Variants in SLCO4C1 observed in about 807,000 individuals in gnomAD.
SLCO4C1 encodes organic anion transporter M1.
A neutral mutation model predicts 72.1 loss-of-function variants in SLCO4C1; 58 were observed. The observed-to-expected ratio is 0.80, with a 90% CI of 0.65 to 1.00. SLCO4C1 has a LOEUF of 1.00. SLCO4C1 is among the 50% of genes least tolerant of loss of function. The probability of loss-of-function intolerance (pLI) is 0.00; values close to 1 mark genes in which losing one functional copy is unlikely to be tolerated. For synonymous variants in SLCO4C1, 297 were observed against 312.5 expected, an observed-to-expected ratio of 0.95 and a Z score of 0.52; for missense variants, 898 against 857.9, an observed-to-expected ratio of 1.05 and a Z score of -0.58.
intron 2 of SLCO4C1, among the ~76,000 whole-genome samples, chr5:102,280,090 C>CAAAAAAAAAA (rs36217271): frequency 3.1e-4 from 21 of 68,840 alleles, no homozygotes; most frequent in African/African-American, 4.2e-4. Context: ...TGCAATAAGG[C>CAAAAAAAAAA]AAAAAAAAAA....
intron 10 of SLCO4C1, among the ~76,000 whole-genome samples, chr5:102,241,606 T>C (rs1404617484): frequency 1.3e-5 from 2 of 152,008 alleles, no homozygotes; most frequent in Admixed American, 6.6e-5. Flanking sequence ...AAGCCACAAA[T>C]AAATGGAAAG....
intron 8 of SLCO4C1, among the ~76,000 whole-genome samples, chr5:102,251,613 T>A (rs1382994863): frequency 6.7e-6 from 1 of 149,306 alleles, no homozygotes; most frequent in Non-Finnish European, 1.5e-5. Context: ...AATGGAAGAG[T>A]CAAAGGTGAC....
chr5:102,255,584 T>C (rs1748818891), intron 8 of SLCO4C1, among the ~76,000 whole-genome samples: 1 of 152,190 alleles, frequency 6.6e-6, no homozygotes, highest in Admixed American at 6.5e-5. Context: ...TCTCTGAAAC[T>C]AGCCTTCACA....
At chr5:102,276,612 T>G (rs966661234) in intron 2 of SLCO4C1, among the ~76,000 whole-genome samples, 1 of 152,106 alleles carries the variant, frequency 6.6e-6, no homozygotes, top group African/African-American at 2.4e-5. Flanking sequence ...GTTACTGAAG[T>G]TTTCTTTTAA....
chr5:102,283,797 A>C (rs1338880745), intron 2 of SLCO4C1, among the ~76,000 whole-genome samples: 1 of 152,066 alleles, frequency 6.6e-6, no homozygotes, highest in African/African-American at 2.4e-5. Flanking sequence ...CAGTAAGAGT[A>C]GGTAATGGCA....
At position 102,234,824 on chromosome 5, in the gene SLCO4C1, C is replaced by G. The variant is rs903986161; in HGVS notation, c.*2034G>C. ...CTTTCCTTTTCCTTTTTTCTGGGCT[C>G]CAATAGGAAGCAGCATTTACAACGT... On this transcript the variant is annotated 3_prime_UTR_variant, in exon 13 of 13. Transcript: ENST00000310954. The G allele has an allele frequency of 1.3e-5, 2 of 152,080 alleles. No homozygotes were observed. The highest frequency in any genetic ancestry group is 4.8e-5 in the African/African-American group (2 of 41,414). The allele number at this position is 152,080 out of a possible 1,614,324, so 9.4% of individuals were successfully genotyped here.
chr5:102,271,249 GTCA>G (rs1214580166), intron 2 of SLCO4C1, among the ~76,000 whole-genome samples: 2 of 151,712 alleles, frequency 1.3e-5, no homozygotes, highest in Admixed American at 6.6e-5. Context: ...TATTGTCACT[GTCA>G]TAATATTCTA....
At chr5:102,284,496 G>T (rs1390805584) in intron 2 of SLCO4C1, among the ~76,000 whole-genome samples, 1 of 152,130 alleles carries the variant, frequency 6.6e-6, no homozygotes, top group Non-Finnish European at 1.5e-5. Flanking sequence ...CAAAGTAAGG[G>T]GCGAAAGCAG....
rs78176237 is a variant in SLCO4C1 at position 102,260,327 on chromosome 5, AAAAAT to A, written c.1022-13_1022-9del. Reference sequence around the variant, plus strand: ...CTTGAATTTCTGCTGTACCTAAAAAAAAAATATATATATATATATAATATATATAT... The same window carrying A: ...CTTGAATTTCTGCTGTACCTAAAAAAATATATATATATATAATATATATAT... On this transcript the variant is annotated splice_polypyrimidine_tract_variant and intron_variant, in intron 5 of 12. Coordinates refer to ENST00000310954, the MANE Select transcript of SLCO4C1 (RefSeq NM_180991.5). 464 of 354,522 alleles carry A rather than the reference AAAAAT, an allele frequency of 1.3e-3. 3 individuals are homozygous for A. The highest frequency in any genetic ancestry group is 2.9e-3 in the African/African-American group (41 of 14,304). 22.0% of individuals were successfully genotyped at this position (354,522 alleles called of 1,614,324 possible).
At chr5:102,269,754 T>C (rs1749114087) in intron 3 of SLCO4C1, among the ~76,000 whole-genome samples, 1 of 152,176 alleles carries the variant, frequency 6.6e-6, no homozygotes, top group South Asian at 2.1e-4. Flanking sequence ...CATGTTTCCT[T>C]GCTTTTTCAT....
chr5:102,264,060 T>C (rs1748991398), intron 3 of SLCO4C1, among the ~76,000 whole-genome samples: 1 of 152,066 alleles, frequency 6.6e-6, no homozygotes, highest in African/African-American at 2.4e-5. Context: ...AGGTAGTATA[T>C]CTACCATTTA....
chr5:102,245,032 C>T (rs1748612002), intron 10 of SLCO4C1, among the ~76,000 whole-genome samples: 2 of 152,012 alleles, frequency 1.3e-5, no homozygotes, highest in Admixed American at 1.3e-4. Context: ...TACCCTTATC[C>T]TAAGTAGAAA....
chr5:102,259,240 C>A (rs1241140520), intron 6 of SLCO4C1, among the ~76,000 whole-genome samples: 2 of 151,742 alleles, frequency 1.3e-5, no homozygotes, highest in East Asian at 3.9e-4. Context: ...ATGTTGAATT[C>A]ATAGAGATTG....
In SLCO4C1 at chr5:102,296,211, C is replaced by T; in HGVS notation, c.52G>A (p.Asp18Asn). 6.3e-7 allele frequency: 1 copy of T among 1,598,098 alleles called. No individual in the cohort carries two copies. The highest frequency in any genetic ancestry group is 8.5e-7 in the Non-Finnish European group (1 of 1,171,468). Residue 18 changes from aspartate to asparagine, a missense_variant, in exon 1 of 13, where the codon GAC (aspartate) becomes AAC (asparagine). Transcript: ENST00000310954. ...ENLAFVPSSP[D>N]ILRRLSASPS... ...GACGCAGACAAGCGGCGCAGGATGT[C>T]TGGGCTGGAGGGGACAAAAGCCAAG...
Position 102,270,656 on chromosome 5 carries a change from G to A in SLCO4C1, c.770C>T (p.Ser257Phe). The stretch of plus-strand genomic sequence containing the variant: ...GAGAGAAGACTTGTGTGTGGGCACA[G>A]AATCATCAAGAAAGGCTGTTCCCAG... ...YTLGTAFLDD[S>F]VPTHKSSLYI... The change falls in exon 3 of 13, where the codon TCT becomes TTT. Residue 257 changes from serine (S) to phenylalanine (F), a missense_variant. By Grantham distance (155) the Ser-to-Phe change is radical (BLOSUM62 -2). Transcript: ENST00000310954. The A allele has an allele frequency of 6.2e-7, 1 of 1,612,712 alleles. No homozygotes were observed. Among genetic ancestry groups the A allele is most frequent in the South Asian group, 1.1e-5 (1 of 90,898 alleles).
intron 3 of SLCO4C1, among the ~76,000 whole-genome samples, chr5:102,265,712 G>T (rs977585068): frequency 6.6e-6 from 1 of 152,082 alleles, no homozygotes; most frequent in Non-Finnish European, 1.5e-5. Flanking sequence ...GATTACTAAA[G>T]CTTTGTTGTA....
intron 3 of SLCO4C1, among the ~76,000 whole-genome samples, chr5:102,264,676 T>A (rs560037645): frequency 6.6e-6 from 1 of 151,092 alleles, no homozygotes; most frequent in African/African-American, 2.5e-5. Context: ...CAATGAGTAA[T>A]GGTTAACTAT....
chr5:102,283,899 G>GA (rs1749401609), intron 2 of SLCO4C1, among the ~76,000 whole-genome samples: 4 of 151,980 alleles, frequency 2.6e-5, no homozygotes, highest in Non-Finnish European at 5.9e-5. Flanking sequence ...TAGAAGCACT[G>GA]AAGTGAAATC....
intron 8 of SLCO4C1, among the ~76,000 whole-genome samples, chr5:102,256,204 T>TA (rs1238195068): frequency 4.0e-5 from 6 of 151,284 alleles, no homozygotes; most frequent in African/African-American, 1.2e-4. Flanking sequence ...ACTCTCTGTC[T>TA]AAAAAAAACA....
Sources: allele counts gnomAD v4.1 joint callset (sites outside exome capture counted in the v4.1 genomes callset), GRCh38; gene constraint gnomAD v4.1.1; transcripts MANE v1.5; gene names NCBI Gene and HGNC (gene_info 2026-07-23, HGNC 2026-07-21).